ACACA: variants seen among roughly 807,000 people sequenced by gnomAD.
The protein encoded by ACACA is acetyl-CoA carboxylase alpha.
A neutral mutation model predicts 296.1 loss-of-function variants in ACACA; 103 were observed. The observed-to-expected ratio is 0.35, with a 90% CI of 0.30 to 0.41. The LOEUF is 0.41. Among genes scored for constraint, ACACA ranks in the 10% least tolerant of loss-of-function variants. ACACA has a pLI of 1.00. For missense variants in ACACA, 1,554 were observed against 2,989.7 expected (o/e 0.52, Z 11.20); for synonymous variants, 953 against 1,038.6 (o/e 0.92, Z 1.58).
Position 37,113,483 on chromosome 17 carries a change from T to C in ACACA, c.6275-218A>G, listed in dbSNP as rs1248685626. Among the ~76,000 whole-genome samples the C allele has an allele frequency of 6.6e-6, 1 of 152,196 alleles. No homozygotes were observed. Among genetic ancestry groups the C allele is most frequent in the Non-Finnish European group, 1.5e-5 (1 of 68,024 alleles). On this transcript the variant is annotated intron_variant, in intron 50 of 55. Transcript: ENST00000616317. The surrounding 1 kb of genome is among the most constrained non-coding windows in gnomAD (Gnocchi z 4.0). ...CAGCAACAGAGAGATGCACTGTCTT[T>C]CACAAGATACAGTGTGTAAGTCTTC...
At chr17:37,119,558 C>A (rs1400418800) in intron 50 of ACACA, among the ~76,000 whole-genome samples, 1 of 149,040 alleles carries the variant, frequency 6.7e-6, no homozygotes, top group Admixed American at 6.7e-5. Context: ...AGTTCTCCAG[C>A]AAATACAGGC....
chr17:37,251,054 A>G (rs1306857981), intron 16 of ACACA, among the ~76,000 whole-genome samples: 2 of 152,166 alleles, frequency 1.3e-5, no homozygotes, highest in East Asian at 3.8e-4. Context: ...AAATAATAAA[A>G]TAAGTAAAAA....
chr17:37,374,726 A>G (rs1223851761), intron 1 of ACACA, among the ~76,000 whole-genome samples: 2 of 152,224 alleles, frequency 1.3e-5, no homozygotes, highest in Non-Finnish European at 2.9e-5. Context: ...AGCCACAGAC[A>G]GTACCACTCA....
rs1471446489 is a variant in ACACA at position 37,243,380 on chromosome 17, G to A, written c.2922C>T (p.Pro974=). ...SNITSVLCQF[P]SQQIANILDS... Reference sequence around the variant, plus strand: ...GTTATCCTATAAATACCTGCTGGCTGGGAAACTGACAGAGGACTGATGTGA... The same window carrying A: ...GTTATCCTATAAATACCTGCTGGCTAGGAAACTGACAGAGGACTGATGTGA... Residue 974 remains proline, a synonymous_variant, in exon 22 of 56, where the codon CCC becomes CCT. Transcript: ENST00000616317. 2.5e-6 allele frequency: 4 copies of A among 1,614,054 alleles called. No homozygotes were observed. The highest frequency in any genetic ancestry group is 3.4e-6 in the Non-Finnish European group (4 of 1,179,922).
At chr17:37,371,563 T>C (rs1038213767) in intron 1 of ACACA, among the ~76,000 whole-genome samples, 1 of 152,260 alleles carries the variant, frequency 6.6e-6, no homozygotes, top group East Asian at 1.9e-4. Context: ...AATATACTTA[T>C]GTTCTATATA....
rs1401576459 is a variant in ACACA, at chr17:37,122,586, C to T, written c.6083G>A (p.Arg2028Gln). ...AGCTGGGATACTTAGTTCTACTGTTCGGGTTTCTACAGCAACAACTCCCAC... is the reference window on the plus strand; with the variant it reads ...AGCTGGGATACTTAGTTCTACTGTTTGGGTTTCTACAGCAACAACTCCCAC... ...IPVGVVAVET[R>Q]TVELSIPADP... The change falls in exon 49 of 56, where the codon CGA becomes CAA. Residue 2028 changes from arginine to glutamine, a missense_variant. Physicochemically the swap from Arg to Gln is conservative, Grantham distance 43. Transcript: ENST00000616317. 6.2e-7 allele frequency: 1 copy of T among 1,614,146 alleles called. No individual in the cohort carries two copies. Among genetic ancestry groups the T allele is most frequent in the Non-Finnish European group, 8.5e-7 (1 of 1,180,028 alleles).
In ACACA at chr17:37,245,163, A is replaced by G; in HGVS notation, c.2512T>C (p.Tyr838His). ...LTAVESGCIH[Y>H]VKRPGAALDP... Reference sequence around the variant, plus strand: ...AGAGCTGCTCCAGGTCGCTTGACGTAATGGATACAGCCAGACTCCACAGCT... The same window carrying G: ...AGAGCTGCTCCAGGTCGCTTGACGTGATGGATACAGCCAGACTCCACAGCT... The change falls in exon 20 of 56, where the codon TAC (tyrosine) becomes CAC (histidine). Residue 838 changes from tyrosine (Y) to histidine (H), a missense_variant. Around this residue, in one of 16 missense-constraint regions of ACACA, gnomAD observed 316 missense variants for 540.9 expected, o/e 0.58. Transcript: ENST00000616317. 6.2e-7 allele frequency: 1 copy of G among 1,614,224 alleles called. No individual in the cohort carries two copies. Among genetic ancestry groups the G allele is most frequent in the South Asian group, 1.1e-5 (1 of 91,078 alleles).
chr17:37,390,316 A>ACATAAT lies in ACACA; in HGVS notation c.38+15945_38+15946insATTATG, dbSNP rs1336760581. Among the ~76,000 whole-genome samples, 5 of 50,628 alleles carry ACATAAT rather than the reference A, an allele frequency of 9.9e-5. 2 individuals are homozygous for ACATAAT. Among genetic ancestry groups the ACATAAT allele is most frequent in the Middle Eastern group, 0.015 (2 of 134 alleles). The allele number at this position is 50,628 out of a possible 152,430, so 33.2% of individuals were successfully genotyped here. ...ATATTATACATAATTATATATATAT[A>ACATAAT]TATATATATATATATATAAAAGGCC... On this transcript the variant is annotated intron_variant, in intron 1 of 55. Transcript: ENST00000616317.
At chr17:37,178,439 C>T (rs1214861865) in intron 41 of ACACA, among the ~76,000 whole-genome samples, 2 of 152,172 alleles carry the variant, frequency 1.3e-5, no homozygotes, top group Non-Finnish European at 2.9e-5. Context: ...GGAGAAGACA[C>T]TGAAAAATGC....
intron 3 of ACACA, 40 bp downstream of exon 3, chr17:37,330,133 A>T: frequency 1.9e-6 from 3 of 1,612,568 alleles, no homozygotes; most frequent in Non-Finnish European, 1.7e-6. Context: ...CAAAACTAAC[A>T]AGACAGATTA....
chr17:37,089,489 C>G (rs555594203), intron 54 of ACACA, among the ~76,000 whole-genome samples: 1 of 152,332 alleles, frequency 6.6e-6, no homozygotes, highest in African/African-American at 2.4e-5. Context: ...GTTTTGCTCT[C>G]AGAGGAGCTG....
At chr17:37,206,042 G>A (rs978632871) in intron 32 of ACACA, among the ~76,000 whole-genome samples, 170 bp from the exon 33 acceptor site, 1 of 152,204 alleles carries the variant, frequency 6.6e-6, no homozygotes, top group African/African-American at 2.4e-5. Flanking sequence ...AATAGCCACA[G>A]AGAGATTAAA....
intron 3 of ACACA, among the ~76,000 whole-genome samples, chr17:37,324,343 G>C (rs1238896007): frequency 6.6e-6 from 1 of 151,510 alleles, no homozygotes; most frequent in Admixed American, 6.6e-5. Context: ...TCTGGCCTGG[G>C]CAACAAGAGC....
chr17:37,374,870 T>C (rs2049938921), intron 1 of ACACA, among the ~76,000 whole-genome samples: 2 of 152,060 alleles, frequency 1.3e-5, no homozygotes, highest in Admixed American at 1.3e-4. Context: ...CTAATGTGAG[T>C]TTATATATAT....
intron 1 of ACACA, among the ~76,000 whole-genome samples, chr17:37,369,647 G>GAA (rs375880674): frequency 6.9e-6 from 1 of 144,134 alleles, no homozygotes; most frequent in African/African-American, 2.5e-5. Context: ...CCCATTTCTA[G>GAA]AAAAAAAAAA....
At chr17:37,088,872 T>C (rs1357418640) in intron 55 of ACACA, 66 bp downstream of exon 55, 2 of 1,583,810 alleles carry the variant, frequency 1.3e-6, no homozygotes, top group Non-Finnish European at 1.7e-6. Flanking sequence ...ATGATTTGTT[T>C]GGAAACTTTT....
chr17:37,261,148 A>T (rs1193062506), intron 11 of ACACA, among the ~76,000 whole-genome samples: 1 of 152,170 alleles, frequency 6.6e-6, no homozygotes, highest in Non-Finnish European at 1.5e-5. Flanking sequence ...ACTAAACCTT[A>T]AAAAAGATGG....
chr17:37,162,802 C>T (rs1177872301), intron 41 of ACACA: 2 of 166,970 alleles, frequency 1.2e-5, no homozygotes, highest in South Asian at 1.5e-4. Flanking sequence ...AAATTGTCTA[C>T]TGTAGGTAGG....
At chr17:37,375,214 C>G (rs553767482) in intron 1 of ACACA, among the ~76,000 whole-genome samples, 1 of 145,608 alleles carries the variant, frequency 6.9e-6, no homozygotes, top group Non-Finnish European at 1.5e-5. Context: ...AGGCCAGGCA[C>G]GGTGGCTCAT....
Sources: allele counts gnomAD v4.1 joint callset (sites outside exome capture counted in the v4.1 genomes callset), GRCh38; gene constraint gnomAD v4.1.1; regional missense constraint gnomAD v4.1.1; non-coding constraint Gnocchi (gnomAD v3.1); transcripts MANE v1.5; gene names NCBI Gene and HGNC (gene_info 2026-07-23, HGNC 2026-07-21).